USH2A: variants seen among roughly 807,000 people sequenced by gnomAD.
USH2A encodes the protein Usher syndrome 2A (autosomal recessive, mild).
A neutral mutation model predicts 538.9 loss-of-function variants in USH2A; 443 were observed. The ratio of observed to expected loss-of-function variants is 0.82; its 90% CI spans 0.76 to 0.89. The LOEUF (loss-of-function observed/expected upper bound fraction) is 0.89. Ranked by LOEUF, USH2A falls within the 40% of genes least tolerant of loss-of-function variation. USH2A has a pLI of 0.00. For synonymous variants in USH2A, 2,413 were observed against 2,273.5 expected, an observed-to-expected ratio of 1.06 and a Z score of -1.75; for missense variants, 6,633 against 6,324.8, an observed-to-expected ratio of 1.05 and a Z score of -1.65.
intron 37 of USH2A, among the ~76,000 whole-genome samples, chr1:215,945,255 C>T (rs1036549539): frequency 6.6e-6 from 1 of 152,080 alleles, no homozygotes; most frequent in Non-Finnish European, 1.5e-5. Context: ...TAAAGTTGAG[C>T]TGTTTTTCTC....
At chr1:216,279,490 G>A (rs1181851297) in intron 11 of USH2A, among the ~76,000 whole-genome samples, 1 of 152,070 alleles carries the variant, frequency 6.6e-6, no homozygotes, top group South Asian at 2.1e-4. Context: ...GATATACAGT[G>A]TTCTAACTCC....
At chr1:215,664,302 T>G (rs1298264081) in intron 64 of USH2A, among the ~76,000 whole-genome samples, 1 of 152,176 alleles carries the variant, frequency 6.6e-6, no homozygotes, top group African/African-American at 2.4e-5. Context: ...AAAAATATAT[T>G]AGTGAATAAA....
chr1:216,082,933 A>G lies in USH2A; in HGVS notation c.5298+523T>C, dbSNP rs546039117. 7.2e-5 allele frequency among the ~76,000 whole-genome samples: 11 copies of G among 152,232 alleles called. No individual in the cohort carries two copies. In the South Asian group the frequency reaches 2.3e-3, roughly 32 times the overall value. On this transcript the variant is annotated intron_variant, in intron 26 of 71. Coordinates refer to ENST00000307340, the MANE Select transcript of USH2A (RefSeq NM_206933.4). ...CATTCATTAGGTGTTCAAACTATAA[A>G]AATGCATGTGAATAACAAATACAAA...
intron 3 of USH2A, among the ~76,000 whole-genome samples, chr1:216,365,731 T>C (rs573500647): frequency 8.4e-4 from 128 of 152,208 alleles, no homozygotes; most frequent in Non-Finnish European, 1.2e-3. Context: ...GCAAGTCAAA[T>C]GGTTTGGTTT....
At chr1:216,061,955 C>T (rs746397451) in intron 30 of USH2A, among the ~76,000 whole-genome samples, 6 of 152,228 alleles carry the variant, frequency 3.9e-5, no homozygotes, top group Admixed American at 1.3e-4. Flanking sequence ...TTAGCAAAGG[C>T]TTTTATTAAC....
At position 215,804,648 on chromosome 1, in the gene USH2A, G is replaced by A. The variant is rs191323621; in HGVS notation, c.9740-5523C>T. The stretch of plus-strand genomic sequence containing the variant: ...GTCAGGAAACAACAGGTGCTGGAGA[G>A]GATGTGGAGAAATAGGAACACTTTC... On this transcript the variant is annotated intron_variant, in intron 49 of 71. Transcript: ENST00000307340. Among the ~76,000 whole-genome samples, 276 of 150,148 alleles carry A rather than the reference G, an allele frequency of 1.8e-3. 5 individuals are homozygous for A. The highest frequency in any genetic ancestry group is 4.5e-3 in the African/African-American group (181 of 40,166).
rs879778642 is a variant in USH2A, at chr1:215,625,452, A to T, written c.*329T>A. 3.5e-5 allele frequency: 13 copies of T among 373,062 alleles called. No homozygotes were observed. The highest frequency in any genetic ancestry group is 1.2e-4 in the Admixed American group (3 of 24,624). The allele number at this position is 373,062 out of a possible 1,614,324, so 23.1% of individuals were successfully genotyped here. A position where few individuals can be genotyped will look rare whatever the true frequency, so the allele number is the denominator to read the frequency against. On this transcript the variant is annotated 3_prime_UTR_variant, in exon 72 of 72. Transcript: ENST00000307340. ...TTACTACTTCTAACAACTGTGAGCCATCTTGAAATTGCCACTGATTATTCA... is the reference window on the plus strand; with the variant it reads ...TTACTACTTCTAACAACTGTGAGCCTTCTTGAAATTGCCACTGATTATTCA...
chr1:216,140,504 T>C (rs1211078429), intron 21 of USH2A, among the ~76,000 whole-genome samples: 1 of 152,198 alleles, frequency 6.6e-6, no homozygotes, highest in Non-Finnish European at 1.5e-5. Flanking sequence ...GCTGGCCCTA[T>C]GAGTGCAGCC....
chr1:215,971,281 A>G (rs1667489154), intron 35 of USH2A, among the ~76,000 whole-genome samples: 1 of 152,168 alleles, frequency 6.6e-6, no homozygotes, highest in Non-Finnish European at 1.5e-5. Flanking sequence ...GAGAAAAGGT[A>G]TCATATTGGA....
chr1:216,359,742 A>G (rs905455918), intron 4 of USH2A, among the ~76,000 whole-genome samples: 2 of 152,112 alleles, frequency 1.3e-5, no homozygotes, highest in African/African-American at 2.4e-5. Context: ...AAATGATAGG[A>G]TTGTGTACCT....
Position 215,759,688 on chromosome 1 carries a change from T to C in USH2A, c.11203A>G (p.Thr3735Ala). The change falls in exon 57 of 72, where the codon ACT (threonine) becomes GCT (alanine). Residue 3735 changes from threonine to alanine, a missense_variant. Physicochemically the swap from Thr to Ala is moderately conservative, Grantham distance 58. Transcript: ENST00000307340. Reference protein sequence around the residue: ...FLGGSEEQNFTDKNLEPNSRY... With the variant: ...FLGGSEEQNFADKNLEPNSRY... Reference sequence around the variant, plus strand: ...CTATTGGGCTCCAGGTTTTTATCAGTGAAATTCTGCTCCTCACTGCCACCC... The same window carrying C: ...CTATTGGGCTCCAGGTTTTTATCAGCGAAATTCTGCTCCTCACTGCCACCC... 1 of 1,614,022 alleles carries C rather than the reference T, an allele frequency of 6.2e-7. No individual in the cohort carries two copies. Among genetic ancestry groups the C allele is most frequent in the Non-Finnish European group, 8.5e-7 (1 of 1,179,908 alleles).
At chr1:216,165,432 C>T (rs577300077) in intron 21 of USH2A, among the ~76,000 whole-genome samples, 2 of 152,208 alleles carry the variant, frequency 1.3e-5, no homozygotes, top group East Asian at 3.9e-4. Context: ...GTAACTTTGC[C>T]AGCAACTGAG....
At chr1:215,819,428 C>T (rs1662948636) in intron 47 of USH2A, among the ~76,000 whole-genome samples, 1 of 151,588 alleles carries the variant, frequency 6.6e-6, no homozygotes, top group Non-Finnish European at 1.5e-5. Flanking sequence ...ACTATTATTT[C>T]AGTTTTGTGG....
In USH2A at chr1:216,341,852, G is replaced by A. The variant is rs142510672; in HGVS notation, c.785-14198C>T. Among the ~76,000 whole-genome samples, 466 of 152,162 alleles carry A rather than the reference G, an allele frequency of 3.1e-3. 1 individual carries two copies. The highest frequency in any genetic ancestry group is 0.011 in the African/African-American group (451 of 41,520). The stretch of plus-strand genomic sequence containing the variant: ...CCTTACACAAAAATTGACTCAAGAT[G>A]GATTAAAGACTTAATTGCAAAACCC... On this transcript the variant is annotated intron_variant, in intron 4 of 71. Transcript: ENST00000307340.
At chr1:216,212,628 G>C (rs1397020948) in intron 15 of USH2A, among the ~76,000 whole-genome samples, 7 of 151,838 alleles carry the variant, frequency 4.6e-5, no homozygotes, top group Non-Finnish European at 1.0e-4. Flanking sequence ...TTTATATTAA[G>C]AGAATGATAA....
intron 31 of USH2A, among the ~76,000 whole-genome samples, chr1:216,047,163 T>C (rs1221628024): frequency 6.6e-6 from 1 of 152,136 alleles, no homozygotes; most frequent in Non-Finnish European, 1.5e-5. Context: ...AACTCCTCTA[T>C]CATTTAGTAA....
At chr1:216,120,256 TG>T (rs1336789583) in intron 21 of USH2A, among the ~76,000 whole-genome samples, 1 of 126,586 alleles carries the variant, frequency 7.9e-6, no homozygotes, top group African/African-American at 2.9e-5. Flanking sequence ...AAAAAATGGC[TG>T]GGCACTGTGG....
chr1:215,864,921 T>A (rs1387716877), intron 44 of USH2A, among the ~76,000 whole-genome samples: 1 of 152,160 alleles, frequency 6.6e-6, no homozygotes, highest in East Asian at 1.9e-4. Context: ...GGGAGGGTCA[T>A]AATAGACAAA....
chr1:216,355,678 A>C (rs772467038), intron 4 of USH2A, among the ~76,000 whole-genome samples: 2 of 152,118 alleles, frequency 1.3e-5, no homozygotes, highest in Non-Finnish European at 2.9e-5. Context: ...ATTGAAGAAC[A>C]CTAGAAAGGA....
Sources: allele counts gnomAD v4.1 joint callset (sites outside exome capture counted in the v4.1 genomes callset), GRCh38; gene constraint gnomAD v4.1.1; transcripts MANE v1.5; gene names NCBI Gene and HGNC (gene_info 2026-07-23, HGNC 2026-07-21).